The following FASTKD2 variants were observed in gnomAD, a reference collection of about 807,000 sequenced individuals.
The protein encoded by FASTKD2 is FAST kinase domain-containing protein 2, mitochondrial.
In FASTKD2, 51 loss-of-function variants were observed where a neutral mutation model predicts 63.6. That is an observed-to-expected ratio of 0.80 (90% CI 0.64 to 1.01). The LOEUF (loss-of-function observed/expected upper bound fraction) is 1.01, where lower values mean the gene tolerates loss of function less well. Among genes scored for constraint, FASTKD2 ranks in the 50% least tolerant of loss-of-function variants. The pLI is 0.00. For missense variants in FASTKD2, 786 were observed against 831.1 expected, an observed-to-expected ratio of 0.95 and a Z score of 0.67; for synonymous variants, 284 against 293.4, an observed-to-expected ratio of 0.97 and a Z score of 0.33.
chr2:206,788,396 T>G (rs1433107614), intron 9 of FASTKD2, among the ~76,000 whole-genome samples: 1 of 152,130 alleles, frequency 6.6e-6, no homozygotes, highest in Admixed American at 6.6e-5. Context: ...TTTTAGCTAC[T>G]GCTATTATCA....
chr2:206,788,604 A>G (rs903920122), intron 9 of FASTKD2, among the ~76,000 whole-genome samples: 1 of 151,816 alleles, frequency 6.6e-6, no homozygotes. Flanking sequence ...GCGTGATGGC[A>G]TGCCCCTGTA....
chr2:206,766,811 A>C lies in FASTKD2; in HGVS notation c.118A>C (p.Thr40Pro), dbSNP rs1300208181. The C allele has an allele frequency of 1.2e-6, 2 of 1,612,776 alleles. No homozygotes were observed. Among genetic ancestry groups the C allele is most frequent in the African/African-American group, 2.7e-5 (2 of 74,858 alleles). ...CAGTACATTAGTTTCAACAAGCAGA[A>C]CTATGAGGCTATGTTGTTTGGGACT... ...QFSTLVSTSR[T>P]MRLCCLGLCK... The change falls in exon 2 of 12, where the codon ACT becomes CCT. Residue 40 changes from threonine to proline, a missense_variant. Thr to Pro is a conservative substitution (Grantham distance 38, BLOSUM62 -1). Coordinates refer to ENST00000402774, the MANE Select transcript of FASTKD2 (RefSeq NM_001136193.2).
chr2:206,786,758 G>T lies in FASTKD2; in HGVS notation c.1453G>T (p.Ala485Ser), dbSNP rs752440677. 8 of 1,613,906 alleles carry T rather than the reference G, an allele frequency of 5.0e-6. No individual in the cohort carries two copies. The South Asian group carries it at 7.7e-5, about 16-fold the overall frequency. The change falls in exon 8 of 12, where the codon GCT becomes TCT. Residue 485 changes from alanine to serine, a missense_variant. By Grantham distance (99) the Ala-to-Ser change is moderately conservative. Coordinates refer to ENST00000402774, the MANE Select transcript of FASTKD2 (RefSeq NM_001136193.2). ...KEQFVEVMASALTGYLHTISS... is the reference protein window; with the variant it reads ...KEQFVEVMASSLTGYLHTISS... ...ACAGTTCGTGGAAGTTATGGCTAGT[G>T]CTCTGACTGGTTATCTTCACACTAT...
At position 206,792,550 on chromosome 2, in the gene FASTKD2, T is replaced by C. The variant is rs1194013309; in HGVS notation, c.*748T>C. The C allele has an allele frequency of 6.6e-6, 1 of 152,230 alleles. No individual in the cohort carries two copies. The highest frequency in any genetic ancestry group is 1.5e-5 in the Non-Finnish European group (1 of 68,072). 9.4% of individuals were successfully genotyped at this position (152,230 alleles called of 1,614,324 possible). ...TTTTCGATTATGTGTGTTCATTCTT[T>C]GTTCAAATATTTGTCCAAATTCAAC... is the stretch of plus-strand genomic sequence containing the variant. On this transcript the variant is annotated 3_prime_UTR_variant, in exon 12 of 12. Coordinates refer to ENST00000402774, the MANE Select transcript of FASTKD2 (RefSeq NM_001136193.2).
intron 7 of FASTKD2, among the ~76,000 whole-genome samples, chr2:206,776,381 T>C (rs1001407220): frequency 6.6e-6 from 1 of 151,986 alleles, no homozygotes; most frequent in Non-Finnish European, 1.5e-5. Flanking sequence ...GATATAGTTC[T>C]CCTTGTCTGT....
At chr2:206,777,218 T>A (rs1459714062) in intron 7 of FASTKD2, among the ~76,000 whole-genome samples, 1 of 152,156 alleles carries the variant, frequency 6.6e-6, no homozygotes, top group East Asian at 1.9e-4. Context: ...CCTTGTTGAA[T>A]AGAAGTGATG....
At chr2:206,766,535 T>C (rs1281187196) in intron 1 of FASTKD2, 109 bp from the exon 2 acceptor site, 1 of 676,256 alleles carries the variant, frequency 1.5e-6, no homozygotes, top group Non-Finnish European at 2.6e-6. Flanking sequence ...ATGTAAATGT[T>C]TAATGGCTCC....
intron 7 of FASTKD2, among the ~76,000 whole-genome samples, chr2:206,780,627 C>T (rs897841055): frequency 6.6e-6 from 1 of 152,062 alleles, no homozygotes; most frequent in Non-Finnish European, 1.5e-5. Context: ...GTCCTTTGAG[C>T]TTTATGAATC....
chr2:206,792,753 G>C lies in FASTKD2; in HGVS notation c.*951G>C, dbSNP rs1690322822. ...CTTAGTATGTGCCGGGCACTGCTAA[G>C]TATTCATTTGTGTGCTGCCTTTTCA... On this transcript the variant is annotated 3_prime_UTR_variant, in exon 12 of 12. Coordinates refer to ENST00000402774, the MANE Select transcript of FASTKD2 (RefSeq NM_001136193.2). 6.6e-6 allele frequency among the ~76,000 whole-genome samples: 1 copy of C among 152,132 alleles called. No homozygotes were observed. The highest frequency in any genetic ancestry group is 2.1e-4 in the South Asian group (1 of 4,824).
intron 10 of FASTKD2, chr2:206,790,067 A>G (rs114134737): frequency 0.026 from 4,033 of 153,112 alleles, 72 homozygotes; most frequent in Non-Finnish European, 0.038. Context: ...CATTTTCGTT[A>G]TATTTACAGA....
In FASTKD2 at chr2:206,793,524, G is replaced by A. The variant is rs1428978205; in HGVS notation, c.*1722G>A. On this transcript the variant is annotated 3_prime_UTR_variant, in exon 12 of 12. Coordinates refer to ENST00000402774, the MANE Select transcript of FASTKD2 (RefSeq NM_001136193.2). ...TCCAGATTGGACAACCTCTAGTTTT[G>A]TATACTTGGCCAAGTGATTTAACCT... Among the ~76,000 whole-genome samples, 10 of 152,058 alleles carry A rather than the reference G, an allele frequency of 6.6e-5. No homozygotes were observed. Among genetic ancestry groups the A allele is most frequent in the Non-Finnish European group, 1.3e-4 (9 of 68,030 alleles).
chr2:206,780,025 C>T lies in FASTKD2; in HGVS notation c.1427+5628C>T, dbSNP rs574916706. On this transcript the variant is annotated intron_variant, in intron 7 of 11. Transcript: ENST00000402774. ...TTGCATACAAAAGCTGTACACTTGTCTCCCCATACTTTGTTATTGATGTGA... is the reference window on the plus strand; with the variant it reads ...TTGCATACAAAAGCTGTACACTTGTTTCCCCATACTTTGTTATTGATGTGA... 5.3e-5 allele frequency among the ~76,000 whole-genome samples: 8 copies of T among 152,288 alleles called. No homozygotes were observed. In the East Asian group the frequency reaches 1.2e-3, roughly 22 times the overall value.
chr2:206,791,977 T>A lies in FASTKD2; in HGVS notation c.*175T>A. On this transcript the variant is annotated 3_prime_UTR_variant, in exon 12 of 12. Transcript: ENST00000402774. ...ATGTTGTTACTGCCATTTAAAAATATGCTGAGAAAATTCCAGAAGGGTTAT... is the reference window on the plus strand; with the variant it reads ...ATGTTGTTACTGCCATTTAAAAATAAGCTGAGAAAATTCCAGAAGGGTTAT... 1 of 630,492 alleles carries A rather than the reference T, an allele frequency of 1.6e-6. No homozygotes were observed. Among genetic ancestry groups the A allele is most frequent in the Non-Finnish European group, 2.7e-6 (1 of 364,932 alleles). 39.1% of individuals were successfully genotyped at this position (630,492 alleles called of 1,614,324 possible). A position where few individuals can be genotyped will look rare whatever the true frequency, so the allele number is the denominator to read the frequency against.
At chr2:206,780,654 T>C (rs1252900507) in intron 7 of FASTKD2, among the ~76,000 whole-genome samples, 1 of 152,256 alleles carries the variant, frequency 6.6e-6, no homozygotes, top group East Asian at 1.9e-4. Flanking sequence ...TCCATTACTC[T>C]TTCTAGATTT....
rs1690395121 is a variant in FASTKD2 at position 206,794,708 on chromosome 2, G to A, written c.*2906G>A. On this transcript the variant is annotated 3_prime_UTR_variant, in exon 12 of 12. Transcript: ENST00000402774. ...TAGCCTAACAACTCTTCTTGTCATT[G>A]ACAAAATGTGATGGTATTTTTTTTG... is the stretch of plus-strand genomic sequence containing the variant. Among the ~76,000 whole-genome samples, 1 of 152,178 alleles carries A rather than the reference G, an allele frequency of 6.6e-6. No homozygotes were observed. Among genetic ancestry groups the A allele is most frequent in the East Asian group, 1.9e-4 (1 of 5,198 alleles).
intron 7 of FASTKD2, among the ~76,000 whole-genome samples, chr2:206,781,015 C>T (rs1422021107): frequency 6.6e-6 from 1 of 152,004 alleles, no homozygotes; most frequent in Non-Finnish European, 1.5e-5. Flanking sequence ...TATCATTTTC[C>T]TAATTTCATT....
chr2:206,766,733 G>T lies in FASTKD2; in HGVS notation c.40G>T (p.Glu14Ter), dbSNP rs764930961. ...GAAGCCATTTGGAAGTGTTTCAGTG[G>T]AGAGCAAAATGAATAACAAAGCGGG... ...TLKPFGSVSV[E>*]SKMNNKAGSF... is the part of the protein sequence containing the mutation. The change falls in exon 2 of 12, where the codon GAG becomes TAG. Residue 14 changes from glutamate (E) to a stop codon, truncating the protein, a stop_gained. Transcript: ENST00000402774. LOFTEE classifies it high-confidence loss of function. The T allele has an allele frequency of 6.2e-7, 1 of 1,614,062 alleles. No individual in the cohort carries two copies. The highest frequency in any genetic ancestry group is 8.5e-7 in the Non-Finnish European group (1 of 1,180,004).
At position 206,793,909 on chromosome 2, in the gene FASTKD2, T is replaced by G. The variant is rs538336281; in HGVS notation, c.*2107T>G. Among the ~76,000 whole-genome samples, 83 of 152,040 alleles carry G rather than the reference T, an allele frequency of 5.5e-4. 1 individual carries two copies. Among genetic ancestry groups the G allele is most frequent in the Non-Finnish European group, 6.9e-4 (47 of 67,992 alleles). Reference sequence around the variant, plus strand: ...ATGGTTTTGCCTTTCAAATTAGCAGTTTTTTTTCTTTTAAGAATTACAGTG... The same window carrying G: ...ATGGTTTTGCCTTTCAAATTAGCAGGTTTTTTTCTTTTAAGAATTACAGTG... On this transcript the variant is annotated 3_prime_UTR_variant, in exon 12 of 12. Transcript: ENST00000402774.
At chr2:206,784,080 G>A (rs1690070210) in intron 7 of FASTKD2, among the ~76,000 whole-genome samples, 1 of 152,184 alleles carries the variant, frequency 6.6e-6, no homozygotes, top group Admixed American at 6.5e-5. Flanking sequence ...GAGAAGTAGG[G>A]GCAATATGGC....
Sources: allele counts gnomAD v4.1 joint callset (sites outside exome capture counted in the v4.1 genomes callset), GRCh38; gene constraint gnomAD v4.1.1; transcripts MANE v1.5; gene names NCBI Gene and HGNC (gene_info 2026-07-23, HGNC 2026-07-21).